Variants in STAU1 observed in about 807,000 individuals in gnomAD.
STAU1 encodes the protein staufen double-stranded RNA binding protein 1.
In STAU1, 13 loss-of-function variants were observed where a neutral mutation model predicts 62.9. The observed-to-expected ratio is 0.21, with a 90% CI of 0.13 to 0.33. The LOEUF (loss-of-function observed/expected upper bound fraction) is 0.33. Among genes scored for constraint, STAU1 ranks in the 10% least tolerant of loss-of-function variants. The pLI, the probability that STAU1 is intolerant of heterozygous loss-of-function variation, is 1.00. For synonymous variants in STAU1, 269 were observed against 265.1 expected (o/e 1.01, Z -0.14); for missense variants, 571 against 712.1 (o/e 0.80, Z 2.25).
At chr20:49,189,201 C>CAAAAAAAAAAAAA (rs545643816), upstream of STAU1, among the ~76,000 whole-genome samples, 3 of 33,596 alleles carry the variant, frequency 8.9e-5, no homozygotes, top group Non-Finnish European at 1.0e-4. Flanking sequence ...ACACTGGTCT[C>CAAAAAAAAAAAAA]AAAAAAAAAA....
the STAU1 span, among the ~76,000 whole-genome samples, chr20:49,199,601 C>G: frequency 1.3e-5 from 2 of 150,968 alleles, no homozygotes; most frequent in East Asian, 3.9e-4. Context: ...GAGACAGAGT[C>G]TTGCTCTGTT....
chr20:49,157,913 CTATTTT>C (rs1215210487), intron 3 of STAU1, among the ~76,000 whole-genome samples: 9 of 152,156 alleles, frequency 5.9e-5, no homozygotes, highest in Admixed American at 2.0e-4. Flanking sequence ...ATGAGCGTTT[CTATTTT>C]TATTAAGTTC....
rs944379488 is a variant in STAU1, at chr20:49,120,096, C to G, written c.999G>C (p.Thr333=). 1 of 1,614,088 alleles carries G rather than the reference C, an allele frequency of 6.2e-7. No individual in the cohort carries two copies. The highest frequency in any genetic ancestry group is 8.5e-7 in the Non-Finnish European group (1 of 1,179,980). Residue 333 remains threonine, a synonymous_variant, in exon 9 of 14, where the codon ACG becomes ACC. Transcript: ENST00000371856. ...GCTTGGCCACCTTCTTGTTGGTGCC[C>G]GTTCCTTCTGCAGTGTGGTTTCCAA... The part of the protein sequence containing the change: ...VKVGNHTAEG[T]GTNKKVAKRN...
chr20:49,209,224 C>T, the STAU1 span, among the ~76,000 whole-genome samples: 3 of 149,882 alleles, frequency 2.0e-5, no homozygotes, highest in Admixed American at 1.3e-4. Flanking sequence ...TGTAAGCCAC[C>T]GCGCCAGGCC....
intron 8 of STAU1, among the ~76,000 whole-genome samples, chr20:49,121,133 G>A (rs887842866): frequency 4.6e-5 from 7 of 152,208 alleles, no homozygotes; most frequent in African/African-American, 1.2e-4. Flanking sequence ...CCAGCCGGGC[G>A]TGGTGGCTCA....
At chr20:49,177,293 T>C (rs1228429387) in intron 1 of STAU1, among the ~76,000 whole-genome samples, 1 of 148,112 alleles carries the variant, frequency 6.8e-6, no homozygotes, top group East Asian at 2.2e-4. Flanking sequence ...CCCAGCACTT[T>C]GGGAGGCCGA....
At chr20:49,115,310 T>G (rs923904358) in intron 13 of STAU1, among the ~76,000 whole-genome samples, 19 of 150,752 alleles carry the variant, frequency 1.3e-4, no homozygotes, top group African/African-American at 3.4e-4. Context: ...GGTTTTTTTG[T>G]TTTTTTTTGG....
At chr20:49,115,124 A>G (rs2092283928) in intron 13 of STAU1, among the ~76,000 whole-genome samples, 1 of 152,046 alleles carries the variant, frequency 6.6e-6, no homozygotes, top group African/African-American at 2.4e-5. Context: ...ATATATGTCT[A>G]TATTTGTATA....
At chr20:49,196,128 AAAAAAAG>A in the STAU1 span, among the ~76,000 whole-genome samples, 5 of 148,972 alleles carry the variant, frequency 3.4e-5, no homozygotes, top group African/African-American at 1.2e-4. Context: ...CATCTAAAAA[AAAAAAAG>A]AAAGAAAGAG....
At position 49,115,795 on chromosome 20, in the gene STAU1, C is replaced by T. The variant is rs765835959; in HGVS notation, c.1705G>A (p.Gly569Arg). ...QSTEMPRTGN[G>R]PMSVCGRC ...CAGTGCACTCACACAGACATTGGTC[C>T]GTTTCCTGTTCTTGGCATCTCTGTA... is the stretch of plus-strand genomic sequence containing the variant. The change falls in exon 13 of 14, where the codon GGA becomes AGA. Residue 569 changes from glycine (G) to arginine (R), a missense_variant. Physicochemically the swap from Gly to Arg is moderately radical, Grantham distance 125. Around this residue, in one of 3 missense-constraint regions of STAU1, gnomAD observed 156 missense variants for 194.7 expected, o/e 0.80. Transcript: ENST00000371856. 12 of 1,613,950 alleles carry T rather than the reference C, an allele frequency of 7.4e-6. No individual in the cohort carries two copies. Among genetic ancestry groups the T allele is most frequent in the South Asian group, 1.1e-5 (1 of 91,082 alleles).
the STAU1 span, among the ~76,000 whole-genome samples, chr20:49,199,948 G>A: frequency 3.3e-5 from 5 of 152,050 alleles, no homozygotes; most frequent in South Asian, 8.3e-4. Context: ...GGCCTCAAGA[G>A]GTCCTCCCAC....
rs140252338 is a variant in STAU1 at position 49,145,036 on chromosome 20, A to G, written c.510+6546T>C. On this transcript the variant is annotated intron_variant, in intron 5 of 13. Transcript: ENST00000371856. ...AAAGAGTTTTGCACTATTTTAAAAT[A>G]TAAGTATACTTTCTCTCAGTTCTTT... 1.6e-3 allele frequency among the ~76,000 whole-genome samples: 237 copies of G among 152,348 alleles called. 1 individual carries two copies. Among genetic ancestry groups the G allele is most frequent in the African/African-American group, 5.2e-3 (218 of 41,576 alleles).
At chr20:49,216,033 A>AAAAAAAAAAAG in the STAU1 span, among the ~76,000 whole-genome samples, 2 of 104,554 alleles carry the variant, frequency 1.9e-5, no homozygotes, top group African/African-American at 4.5e-5. Flanking sequence ...AAAAAAAAAA[A>AAAAAAAAAAAG]AAGAAGAAGA....
At chr20:49,153,251 G>GAAAAAA (rs71184266) in intron 4 of STAU1, among the ~76,000 whole-genome samples, 3 of 99,076 alleles carry the variant, frequency 3.0e-5, no homozygotes, top group African/African-American at 1.2e-4. Flanking sequence ...CTCCGTCTCA[G>GAAAAAA]AAAAAAAAAA....
intron 1 of STAU1, among the ~76,000 whole-genome samples, chr20:49,183,921 A>C (rs2146611399): frequency 6.6e-6 from 1 of 152,070 alleles, no homozygotes; most frequent in Admixed American, 6.6e-5. Flanking sequence ...ATAAATGTGA[A>C]GTATACATGC....
intron 5 of STAU1, among the ~76,000 whole-genome samples, chr20:49,147,992 A>G (rs2093164489): frequency 6.6e-6 from 1 of 152,184 alleles, no homozygotes; most frequent in African/African-American, 2.4e-5. Flanking sequence ...TAAATCATTC[A>G]TTGTTCCTTG....
upstream of STAU1, among the ~76,000 whole-genome samples, chr20:49,188,629 G>C (rs2093821451): frequency 6.6e-6 from 1 of 152,224 alleles, no homozygotes; most frequent in Non-Finnish European, 1.5e-5. Flanking sequence ...AAGCGGGTCT[G>C]GGAGAACCCA....
At chr20:49,202,433 G>A in the STAU1 span, among the ~76,000 whole-genome samples, 2 of 151,474 alleles carry the variant, frequency 1.3e-5, no homozygotes, top group South Asian at 2.1e-4. Context: ...GCTTGGTGGT[G>A]CACACCTGTA....
intron 6 of STAU1, chr20:49,134,895 A>G (rs909841051): frequency 3.8e-6 from 6 of 1,590,156 alleles, no homozygotes; most frequent in Non-Finnish European, 4.3e-6. Flanking sequence ...CTAAGGCAAG[A>G]GACTGGACTG....
Sources: gnomAD v4.1 joint callset for allele counts (sites outside exome capture counted in the v4.1 genomes callset) on GRCh38, gnomAD v4.1.1 for gene constraint, gnomAD v4.1.1 regional missense constraint, MANE v1.5 for transcripts, NCBI Gene and HGNC (gene_info 2026-07-23, HGNC 2026-07-21) for gene names.